Variants in RESF1 observed in about 807,000 individuals in gnomAD.
The protein encoded by RESF1 is gonad expressed transcript.
Under a neutral mutation model 134.7 loss-of-function variants are expected in RESF1, and 65 were observed. The ratio of observed to expected loss-of-function variants is 0.48; its 90% CI spans 0.40 to 0.59. RESF1 has a LOEUF of 0.59. Among genes scored for constraint, RESF1 ranks in the 20% least tolerant of loss-of-function variants. The probability of loss-of-function intolerance (pLI) is 0.00; values close to 1 mark genes in which losing one functional copy is unlikely to be tolerated. For synonymous variants in RESF1, 762 were observed against 702.2 expected, an observed-to-expected ratio of 1.09 and a Z score of -1.35; for missense variants, 2,274 against 2,002.7, an observed-to-expected ratio of 1.14 and a Z score of -2.59.
intron 3 of RESF1, among the ~76,000 whole-genome samples, chr12:31,979,205 C>A (rs1307757217): frequency 2.6e-5 from 4 of 152,184 alleles, no homozygotes; most frequent in Non-Finnish European, 5.9e-5. Context: ...CAGGCGTGAG[C>A]CACTGCACCT....
At chr12:31,973,323 T>TG (rs1939556445) in intron 3 of RESF1, among the ~76,000 whole-genome samples, 1 of 152,062 alleles carries the variant, frequency 6.6e-6, no homozygotes, top group Admixed American at 6.6e-5. Flanking sequence ...TTTTTTTTTT[T>TG]TAAGAGATGA....
At chr12:31,961,280 G>T (rs1206074769) in intron 2 of RESF1, among the ~76,000 whole-genome samples, 1 of 152,178 alleles carries the variant, frequency 6.6e-6, no homozygotes, top group Non-Finnish European at 1.5e-5. Context: ...CATGTCCAGG[G>T]CTTTCATCTG....
intron 2 of RESF1, among the ~76,000 whole-genome samples, chr12:31,963,720 C>T (rs1939332220): frequency 6.6e-6 from 1 of 152,156 alleles, no homozygotes; most frequent in African/African-American, 2.4e-5. Flanking sequence ...TGGTAACTCC[C>T]CATTTTCTCC....
At chr12:31,964,340 A>G (rs1434511845) in intron 2 of RESF1, among the ~76,000 whole-genome samples, 2 of 151,852 alleles carry the variant, frequency 1.3e-5, no homozygotes, top group Non-Finnish European at 2.9e-5. Context: ...GCCCCTCTAC[A>G]TGTCCATGTG....
chr12:31,981,638 A>G lies in RESF1; in HGVS notation c.683A>G (p.Asp228Gly). The change falls in exon 4 of 6, where the codon GAT becomes GGT. Residue 228 changes from aspartate to glycine, a missense_variant. Physicochemically the swap from Asp to Gly is moderately conservative, Grantham distance 94 (BLOSUM62 -1). Coordinates refer to ENST00000312561, the MANE Select transcript of RESF1 (RefSeq NM_018169.4). ...YRYSPQSFLPDSTIQKQNFIP... is the reference protein window; with the variant it reads ...YRYSPQSFLPGSTIQKQNFIP... Reference sequence around the variant, plus strand: ...TACTCACCACAAAGCTTTTTACCAGATTCTACCATTCAAAAACAAAACTTT... The same window carrying G: ...TACTCACCACAAAGCTTTTTACCAGGTTCTACCATTCAAAAACAAAACTTT... The G allele has an allele frequency of 6.2e-7, 1 of 1,614,066 alleles. No homozygotes were observed. Among genetic ancestry groups the G allele is most frequent in the East Asian group, 2.2e-5 (1 of 44,890 alleles).
chr12:31,981,436 A>G lies in RESF1; in HGVS notation c.481A>G (p.Thr161Ala). 1 of 1,613,928 alleles carries G rather than the reference A, an allele frequency of 6.2e-7. No individual in the cohort carries two copies. The highest frequency in any genetic ancestry group is 8.5e-7 in the Non-Finnish European group (1 of 1,179,832). The change falls in exon 4 of 6, where the codon ACC becomes GCC. Residue 161 changes from threonine (T) to alanine (A), a missense_variant. Coordinates refer to ENST00000312561, the MANE Select transcript of RESF1 (RefSeq NM_018169.4). The stretch of plus-strand genomic sequence containing the variant: ...ACAGAGTCAACTGATAACATCAGAT[A>G]CCTATTCTATGCAAATGCAGATGAT... ...ALQSQLITSD[T>A]YSMQMQMIPS...
rs1278974280 is a variant in RESF1, at chr12:31,959,487, T to A, written c.-346T>A. ...CTTGCCGGGGTGGTCCTCTTCCCTTTGTCGGTAAGTGTGAGACGAGCACCC... is the reference window on the plus strand; with the variant it reads ...CTTGCCGGGGTGGTCCTCTTCCCTTAGTCGGTAAGTGTGAGACGAGCACCC... On this transcript the variant is annotated 5_prime_UTR_variant, in exon 1 of 6. Transcript: ENST00000312561. 6.6e-6 allele frequency: 1 copy of A among 152,236 alleles called. No homozygotes were observed. Among genetic ancestry groups the A allele is most frequent in the South Asian group, 2.1e-4 (1 of 4,834 alleles). The allele number at this position is 152,236 out of a possible 1,614,324, so 9.4% of individuals were successfully genotyped here.
chr12:31,974,712 T>A (rs759841765), intron 3 of RESF1, among the ~76,000 whole-genome samples: 31 of 152,170 alleles, frequency 2.0e-4, no homozygotes, highest in African/African-American at 3.6e-4. Context: ...TTCATGAGAC[T>A]CTCTCCTCCA....
chr12:31,968,487 C>T (rs983604439), intron 2 of RESF1, among the ~76,000 whole-genome samples: 7 of 149,042 alleles, frequency 4.7e-5, no homozygotes, highest in African/African-American at 1.7e-4. Context: ...CTCACTCTTT[C>T]GCCCAAGCTG....
intron 3 of RESF1, among the ~76,000 whole-genome samples, chr12:31,973,847 GT>G (rs1480018204): frequency 6.6e-6 from 1 of 152,158 alleles, no homozygotes; most frequent in South Asian, 2.1e-4. Context: ...TCCGCAAACT[GT>G]TTTCCAGCTG....
At chr12:31,972,050 A>G (rs1030055321) in intron 3 of RESF1, among the ~76,000 whole-genome samples, 2 of 152,312 alleles carry the variant, frequency 1.3e-5, no homozygotes, top group African/African-American at 4.8e-5. Context: ...GTTGCTGAGC[A>G]GGTGGAGGTT....
intron 2 of RESF1, chr12:31,962,385 C>G (rs141963556): frequency 1.3e-5 from 2 of 152,218 alleles, no homozygotes; most frequent in Admixed American, 6.5e-5. Flanking sequence ...GCTATAGATA[C>G]GCAAGTTAAA....
At position 31,983,976 on chromosome 12, in the gene RESF1, T is replaced by C. The variant is rs760137082; in HGVS notation, c.3021T>C (p.Ala1007=). ...SLEHATEKST[A]NDTCSSAAIQ... Reference sequence around the variant, plus strand: ...AGCATGCCACTGAAAAAAGCACAGCTAACGATACGTGCTCGTCAGCTGCTA... The same window carrying C: ...AGCATGCCACTGAAAAAAGCACAGCCAACGATACGTGCTCGTCAGCTGCTA... The change falls in exon 4 of 6, where the codon GCT becomes GCC. Residue 1007 remains alanine, a synonymous_variant. Transcript: ENST00000312561. 1.2e-6 allele frequency: 2 copies of C among 1,613,714 alleles called. No homozygotes were observed. The highest frequency in any genetic ancestry group is 1.1e-5 in the South Asian group (1 of 91,010).
At position 31,983,396 on chromosome 12, in the gene RESF1, T is replaced by G. The variant is rs1939860044; in HGVS notation, c.2441T>G (p.Leu814Trp). The change falls in exon 4 of 6, where the codon TTG becomes TGG. Residue 814 changes from leucine (L) to tryptophan (W), a missense_variant. By Grantham distance (61) the Leu-to-Trp change is moderately conservative. Coordinates refer to ENST00000312561, the MANE Select transcript of RESF1 (RefSeq NM_018169.4). Reference protein sequence around the residue: ...LAENAKATAALKVDVSGPVAS... With the variant: ...LAENAKATAAWKVDVSGPVAS... ...GAAAATGCAAAGGCAACTGCTGCTTTGAAAGTTGATGTTAGTGGACCAGTA... is the reference window on the plus strand; with the variant it reads ...GAAAATGCAAAGGCAACTGCTGCTTGGAAAGTTGATGTTAGTGGACCAGTA... 5 of 1,613,952 alleles carry G rather than the reference T, an allele frequency of 3.1e-6. No homozygotes were observed. Among genetic ancestry groups the G allele is most frequent in the Non-Finnish European group, 4.2e-6 (5 of 1,180,028 alleles).
At position 31,983,809 on chromosome 12, in the gene RESF1, T is replaced by C. The variant is rs529008468; in HGVS notation, c.2854T>C (p.Phe952Leu). ...QLDNTTENKD[F>L]GFQKDKPVQC... is the part of the protein sequence containing the mutation. The stretch of plus-strand genomic sequence containing the variant: ...AGATAATACCACTGAAAATAAAGAC[T>C]TTGGTTTTCAAAAAGATAAACCTGT... Residue 952 changes from phenylalanine to leucine, a missense_variant, in exon 4 of 6, where the codon TTT becomes CTT. Coordinates refer to ENST00000312561, the MANE Select transcript of RESF1 (RefSeq NM_018169.4). 2.7e-5 allele frequency: 44 copies of C among 1,612,398 alleles called. No homozygotes were observed. In the East Asian group the frequency reaches 7.4e-4, roughly 27 times the overall value.
At position 31,972,899 on chromosome 12, in the gene RESF1, C is replaced by T. The variant is rs189209274; in HGVS notation, c.-79+2543C>T. Among the ~76,000 whole-genome samples, 308 of 152,048 alleles carry T rather than the reference C, an allele frequency of 2.0e-3. 1 individual carries two copies. Among genetic ancestry groups the T allele is most frequent in the Non-Finnish European group, 3.8e-3 (256 of 67,950 alleles). On this transcript the variant is annotated intron_variant, in intron 3 of 5. Coordinates refer to ENST00000312561, the MANE Select transcript of RESF1 (RefSeq NM_018169.4). ...TGTTTTACTTTTTGTTTTTATGTCT[C>T]GTCTTTTTATTCCTTTCTTATTCCT...
Position 31,986,643 on chromosome 12 carries a change from A to T in RESF1, c.5003-596A>T, listed in dbSNP as rs549575849. Among the ~76,000 whole-genome samples, 260 of 152,312 alleles carry T rather than the reference A, an allele frequency of 1.7e-3. 1 individual carries two copies. Among genetic ancestry groups the T allele is most frequent in the Middle Eastern group, 3.4e-3 (1 of 294 alleles). ...AATGTAGTGCAGGAAGGAAGGAGAAAATTGATAACTAGTTGTTCATGGTAC... is the reference window on the plus strand; with the variant it reads ...AATGTAGTGCAGGAAGGAAGGAGAATATTGATAACTAGTTGTTCATGGTAC... On this transcript the variant is annotated intron_variant, in intron 4 of 5. Coordinates refer to ENST00000312561, the MANE Select transcript of RESF1 (RefSeq NM_018169.4).
chr12:31,983,195 C>A lies in RESF1; in HGVS notation c.2240C>A (p.Ser747Tyr). The stretch of plus-strand genomic sequence containing the variant: ...TCGATGGTAATGCACAATTATGAGT[C>A]TTCAGGTATAAATATAACAAAGGGA... ...ALSMVMHNYE[S>Y]SGINITKGTE... is the part of the protein sequence containing the mutation. Residue 747 changes from serine to tyrosine, a missense_variant, in exon 4 of 6, where the codon TCT (serine) becomes TAT (tyrosine). By Grantham distance (144) the Ser-to-Tyr change is moderately radical. Transcript: ENST00000312561. 1.2e-6 allele frequency: 2 copies of A among 1,610,848 alleles called. No individual in the cohort carries two copies. The highest frequency in any genetic ancestry group is 1.7e-6 in the Non-Finnish European group (2 of 1,178,796).
rs755602090 is a variant in RESF1 at position 31,983,545 on chromosome 12, TCAG to T, written c.2592_2594del (p.Ala865del). The T allele has an allele frequency of 1.2e-6, 2 of 1,614,050 alleles. No individual in the cohort carries two copies. The highest frequency in any genetic ancestry group is 1.7e-6 in the Non-Finnish European group (2 of 1,179,976). ...TCAAGGAAAGCATAACAAATTAGAG[TCAG>T]CTATCCATTCTCCTATGAACGATCA... On this transcript the variant is annotated inframe_deletion, in exon 4 of 6. Coordinates refer to ENST00000312561, the MANE Select transcript of RESF1 (RefSeq NM_018169.4).
Sources: allele counts gnomAD v4.1 joint callset (sites outside exome capture counted in the v4.1 genomes callset), GRCh38; gene constraint gnomAD v4.1.1; transcripts MANE v1.5; gene names NCBI Gene and HGNC (gene_info 2026-07-23, HGNC 2026-07-21).